Variants in OPCML observed in about 807,000 individuals in gnomAD.
The protein encoded by OPCML is opioid binding protein/cell adhesion molecule like.
OPCML carries 13 observed loss-of-function variants against 37.8 expected under a neutral mutation model. The observed-to-expected ratio is 0.34, with a 90% CI of 0.22 to 0.55. The LOEUF (loss-of-function observed/expected upper bound fraction) is 0.55. OPCML is among the 20% of genes least tolerant of loss of function. The probability of loss-of-function intolerance (pLI) is 0.91; values close to 1 mark genes in which losing one functional copy is unlikely to be tolerated. For synonymous variants in OPCML, 176 were observed against 168.8 expected (o/e 1.04, Z -0.33); for missense variants, 341 against 435.6 (o/e 0.78, Z 1.93).
At chr11:132,803,846 A>G (rs1938835972) in intron 2 of OPCML, among the ~76,000 whole-genome samples, 1 of 152,258 alleles carries the variant, frequency 6.6e-6, no homozygotes, top group Non-Finnish European at 1.5e-5. Context: ...TGCTGTTGTA[A>G]GAATTAAATG....
At chr11:133,460,352 G>T (rs1410537710) in intron 1 of OPCML, among the ~76,000 whole-genome samples, 2 of 151,588 alleles carry the variant, frequency 1.3e-5, no homozygotes, top group African/African-American at 4.8e-5. Flanking sequence ...CAGAAGGAAT[G>T]AATTAATAAA....
intron 1 of OPCML, among the ~76,000 whole-genome samples, chr11:133,043,045 G>C (rs550073183): frequency 6.6e-6 from 1 of 152,074 alleles, no homozygotes; most frequent in South Asian, 2.1e-4. Flanking sequence ...CATTTCTTCA[G>C]CCATCTCTGT....
intron 2 of OPCML, among the ~76,000 whole-genome samples, chr11:132,778,935 C>G (rs1464151875): frequency 1.3e-5 from 2 of 148,356 alleles, no homozygotes; most frequent in African/African-American, 5.0e-5. Flanking sequence ...ATTAATAACA[C>G]TGAATTACAC....
chr11:133,056,464 CT>C (rs1326762190), intron 1 of OPCML, among the ~76,000 whole-genome samples: 4 of 152,178 alleles, frequency 2.6e-5, no homozygotes, highest in South Asian at 2.1e-4. Context: ...GAGAATGTCT[CT>C]TTTTATGAAA....
chr11:132,723,390 G>A (rs938657548), intron 2 of OPCML, among the ~76,000 whole-genome samples: 3 of 152,132 alleles, frequency 2.0e-5, no homozygotes, highest in African/African-American at 7.2e-5. Flanking sequence ...TGATATCTGG[G>A]CTCTGCTATT....
At chr11:132,430,801 A>G (rs2095994230) in intron 7 of OPCML, among the ~76,000 whole-genome samples, 1 of 152,090 alleles carries the variant, frequency 6.6e-6, no homozygotes, top group Non-Finnish European at 1.5e-5. Flanking sequence ...TTCCCCTGCC[A>G]GTTCCAGTCA....
intron 1 of OPCML, among the ~76,000 whole-genome samples, chr11:133,388,316 A>C (rs945001502): frequency 1.8e-4 from 28 of 152,178 alleles, no homozygotes; most frequent in South Asian, 6.2e-4. Flanking sequence ...CACTTGCTTC[A>C]TTTTGGTCTC....
intron 2 of OPCML, among the ~76,000 whole-genome samples, chr11:132,903,396 G>A (rs1432732332): frequency 6.6e-6 from 1 of 152,180 alleles, no homozygotes; most frequent in Non-Finnish European, 1.5e-5. Context: ...TCCCTGAGAA[G>A]CCAGACATTA....
Position 132,838,878 on chromosome 11 carries a change from G to A in OPCML, c.146+104048C>T, listed in dbSNP as rs892180453. Among the ~76,000 whole-genome samples, 7 of 152,256 alleles carry A rather than the reference G, an allele frequency of 4.6e-5. No individual in the cohort carries two copies. In the South Asian group the frequency reaches 1.0e-3, roughly 23 times the overall value. ...TCAGCACCAGGCACTGAGCACCCCCGAAGATGGGAAACAGTAGAGCCGATA... is the reference window on the plus strand; with the variant it reads ...TCAGCACCAGGCACTGAGCACCCCCAAAGATGGGAAACAGTAGAGCCGATA... On this transcript the variant is annotated intron_variant, in intron 2 of 7. Coordinates refer to ENST00000524381, the MANE Select transcript of OPCML (RefSeq NM_001012393.5).
At chr11:132,706,500 G>A (rs1944040125) in intron 2 of OPCML, among the ~76,000 whole-genome samples, 3 of 152,150 alleles carry the variant, frequency 2.0e-5, no homozygotes, top group Admixed American at 2.0e-4. Context: ...CTTCTTCCTA[G>A]ATGTTGAAAT....
rs143525217 is a variant in OPCML at position 133,133,250 on chromosome 11, G to C, written c.62-190240C>G. ...CAGGCCCCTGGGTGGCAGGGCGGCTGGAGTCTGGTTCGGAAGCAGTGTCCT... is the reference window on the plus strand; with the variant it reads ...CAGGCCCCTGGGTGGCAGGGCGGCTCGAGTCTGGTTCGGAAGCAGTGTCCT... On this transcript the variant is annotated intron_variant, in intron 1 of 7. Coordinates refer to ENST00000524381, the MANE Select transcript of OPCML (RefSeq NM_001012393.5). 4.3e-4 allele frequency among the ~76,000 whole-genome samples: 65 copies of C among 152,242 alleles called. No individual in the cohort carries two copies. In the East Asian group the frequency reaches 0.012, roughly 28 times the overall value.
chr11:133,052,636 C>T (rs566251245), intron 1 of OPCML, among the ~76,000 whole-genome samples: 1 of 152,166 alleles, frequency 6.6e-6, no homozygotes, highest in Non-Finnish European at 1.5e-5. Context: ...TGGAGCCAGG[C>T]ATGTGGGCCA....
chr11:132,494,786 C>T (rs578075476), intron 4 of OPCML, among the ~76,000 whole-genome samples: 1 of 152,338 alleles, frequency 6.6e-6, no homozygotes, highest in African/African-American at 2.4e-5. Context: ...AACTTCCTTT[C>T]CTCCATGTCA....
At chr11:133,339,425 A>T (rs993535787) in intron 1 of OPCML, among the ~76,000 whole-genome samples, 20 of 151,892 alleles carry the variant, frequency 1.3e-4, no homozygotes, top group African/African-American at 4.8e-4. Flanking sequence ...TTAGCCACTC[A>T]CCTCTCCACG....
intron 1 of OPCML, among the ~76,000 whole-genome samples, chr11:133,403,213 A>G (rs1416513242): frequency 1.3e-5 from 2 of 152,190 alleles, no homozygotes; most frequent in Non-Finnish European, 2.9e-5. Context: ...ACATGGACTT[A>G]CCTAACTCAA....
rs574077334 is a variant in OPCML at position 132,418,352 on chromosome 11, T to G, written c.*1841A>C. The G allele has an allele frequency of 2.0e-5, 3 of 152,372 alleles. No individual in the cohort carries two copies. The South Asian group carries it at 6.2e-4, about 32-fold the overall frequency. The allele number at this position is 152,372 out of a possible 1,614,324, so 9.4% of individuals were successfully genotyped here. On this transcript the variant is annotated 3_prime_UTR_variant, in exon 8 of 8. Coordinates refer to ENST00000524381, the MANE Select transcript of OPCML (RefSeq NM_001012393.5). The stretch of plus-strand genomic sequence containing the variant: ...CTTTATTTTGAATCCCAGGCAACTT[T>G]GCTGGATGAGTCCTTCTCGTCCCAG...
At chr11:132,474,185 A>C (rs143763059) in intron 4 of OPCML, among the ~76,000 whole-genome samples, 1 of 152,148 alleles carries the variant, frequency 6.6e-6, no homozygotes, top group Admixed American at 6.5e-5. Context: ...AGTCAGAAAC[A>C]TTAGTGATAG....
At chr11:133,055,985 CCT>C (rs1366055838) in intron 1 of OPCML, among the ~76,000 whole-genome samples, 5 of 152,090 alleles carry the variant, frequency 3.3e-5, no homozygotes, top group African/African-American at 4.8e-5. Flanking sequence ...TACAATGCTG[CCT>C]CCATGATAAT....
rs138051034 is a variant in OPCML, at chr11:132,651,401, A to G, written c.379+5686T>C. 4.2e-3 allele frequency among the ~76,000 whole-genome samples: 644 copies of G among 152,276 alleles called. 2 individuals carry two copies. Among genetic ancestry groups the G allele is most frequent in the African/African-American group, 0.013 (545 of 41,544 alleles). ...ATAATCAAAAGAGATAATGCATATA[A>G]AGTACCTTGTTAACTGTTTGTATTT... On this transcript the variant is annotated intron_variant, in intron 3 of 7. Coordinates refer to ENST00000524381, the MANE Select transcript of OPCML (RefSeq NM_001012393.5).
Sources: allele counts gnomAD v4.1 joint callset (sites outside exome capture counted in the v4.1 genomes callset), GRCh38; gene constraint gnomAD v4.1.1; transcripts MANE v1.5; gene names NCBI Gene and HGNC (gene_info 2026-07-23, HGNC 2026-07-21).